The following DNAH7 variants were observed in gnomAD, a reference collection of about 807,000 sequenced individuals.
DNAH7 encodes dynein axonemal heavy chain 7.
Under a neutral mutation model 444.6 loss-of-function variants are expected in DNAH7, and 397 were observed. The observed-to-expected ratio is 0.89, with a 90% CI of 0.82 to 0.97. The LOEUF is 0.97. Ranked by LOEUF, DNAH7 falls within the 50% of genes least tolerant of loss-of-function variation. The pLI is 0.00. For missense variants in DNAH7, 4,902 were observed against 4,800.8 expected (o/e 1.02, Z -0.62); for synonymous variants, 1,636 against 1,624.4 (o/e 1.01, Z -0.17).
At chr2:195,926,200 C>T (rs889960962) in intron 22 of DNAH7, among the ~76,000 whole-genome samples, 3 of 151,826 alleles carry the variant, frequency 2.0e-5, no homozygotes, top group African/African-American at 7.3e-5. Flanking sequence ...CTTTTATATA[C>T]CGTGAATAAA....
intron 47 of DNAH7, among the ~76,000 whole-genome samples, chr2:195,840,024 C>T (rs1698591356): frequency 6.6e-6 from 1 of 151,748 alleles, no homozygotes; most frequent in Non-Finnish European, 1.5e-5. Context: ...GCCAGCATTA[C>T]TCTGAAAGCA....
intron 46 of DNAH7, among the ~76,000 whole-genome samples, chr2:195,850,769 G>C (rs1699315392): frequency 6.6e-6 from 1 of 151,856 alleles, no homozygotes; most frequent in Admixed American, 6.6e-5. Context: ...TTCATGTGAG[G>C]GGACATGCTG....
chr2:196,051,259 A>G lies in DNAH7; in HGVS notation c.79-10T>C. 1 of 1,613,172 alleles carries G rather than the reference A, an allele frequency of 6.2e-7. No homozygotes were observed. The highest frequency in any genetic ancestry group is 8.5e-7 in the Non-Finnish European group (1 of 1,179,266). On this transcript the variant is annotated splice_polypyrimidine_tract_variant and intron_variant, in intron 2 of 64. Transcript: ENST00000312428. ...TGCTGGCTAATTTCTCCTGTGTGAA[A>G]AATATGAAGGGGAAAAAAGTGTTTA... is the stretch of plus-strand genomic sequence containing the variant.
chr2:196,031,106 ATCT>A (rs1696030306), intron 5 of DNAH7, among the ~76,000 whole-genome samples: 1 of 152,190 alleles, frequency 6.6e-6, no homozygotes, highest in South Asian at 2.1e-4. Flanking sequence ...ATTTCCATAC[ATCT>A]TCTGAAATCT....
rs903722059 is a variant in DNAH7, at chr2:195,905,789, T to TAAA, written c.4335+867_4335+869dup. Reference sequence around the variant, plus strand: ...AAGAAAGTGTTTTGTTCTTTTTCATTAAAAAATTAATGCTGGGTGTCAATG... The same window carrying TAAA: ...AAGAAAGTGTTTTGTTCTTTTTCATTAAAAAAAAATTAATGCTGGGTGTCAATG... On this transcript the variant is annotated intron_variant, in intron 27 of 64. Transcript: ENST00000312428. 19 of 152,270 alleles carry TAAA rather than the reference T, an allele frequency of 1.2e-4. No individual in the cohort carries two copies. The Middle Eastern group carries it at 0.014, about 109-fold the overall frequency. 9.4% of individuals were successfully genotyped at this position (152,270 alleles called of 1,614,324 possible).
chr2:195,957,142 T>C (rs1372542440), intron 19 of DNAH7, 119 bp downstream of exon 19: 2 of 815,434 alleles, frequency 2.5e-6, no homozygotes, highest in East Asian at 6.0e-5. Flanking sequence ...GAAAAGACAA[T>C]GTATGTATGA....
chr2:195,769,031 T>C (rs1694717902), intron 61 of DNAH7, among the ~76,000 whole-genome samples: 1 of 152,192 alleles, frequency 6.6e-6, no homozygotes, highest in South Asian at 2.1e-4. Flanking sequence ...TATGAGGTCT[T>C]ACATTGCTAC....
chr2:196,020,103 T>C (rs1695283091), intron 8 of DNAH7, among the ~76,000 whole-genome samples: 1 of 152,188 alleles, frequency 6.6e-6, no homozygotes, highest in Non-Finnish European at 1.5e-5. Context: ...TCTTATGATT[T>C]TGTTAATAAA....
chr2:195,792,394 T>TAC (rs59046004), intron 57 of DNAH7, among the ~76,000 whole-genome samples: 20,477 of 117,094 alleles, frequency 0.17, 1,518 homozygotes, highest in African/African-American at 0.19. Flanking sequence ...AACCAAAAAA[T>TAC]ACACACACAC....
At chr2:195,866,559 C>G (rs933325219) in intron 40 of DNAH7, among the ~76,000 whole-genome samples, 4 of 152,126 alleles carry the variant, frequency 2.6e-5, no homozygotes, top group African/African-American at 9.7e-5. Flanking sequence ...AAGCATGAAA[C>G]AAGTATATTA....
intron 12 of DNAH7, among the ~76,000 whole-genome samples, chr2:195,991,833 TACTA>T (rs375806535): frequency 1.2e-3 from 182 of 152,328 alleles, no homozygotes; most frequent in African/African-American, 4.3e-3. Flanking sequence ...AACTGGTACT[TACTA>T]ACTCACTTTG....
intron 12 of DNAH7, chr2:195,994,554 T>C (rs146223174): frequency 4.1e-6 from 2 of 482,460 alleles, no homozygotes; most frequent in Non-Finnish European, 8.1e-6. Context: ...GTCTTGGTTG[T>C]TTGTTTTCAC....
chr2:195,986,449 T>C (rs959846580), intron 14 of DNAH7, among the ~76,000 whole-genome samples: 3 of 151,988 alleles, frequency 2.0e-5, no homozygotes, highest in African/African-American at 7.3e-5. Context: ...TTATTTAGAG[T>C]TTTTCACCCA....
At chr2:196,020,572 T>TTG (rs1553606524) in intron 8 of DNAH7, among the ~76,000 whole-genome samples, 30 of 151,606 alleles carry the variant, frequency 2.0e-4, no homozygotes, top group African/African-American at 4.1e-4. Context: ...ATAACTTTTT[T>TTG]TGTGTGTGTG....
intron 19 of DNAH7, among the ~76,000 whole-genome samples, chr2:195,953,128 C>A (rs534182777): frequency 6.2e-4 from 95 of 152,182 alleles, no homozygotes; most frequent in African/African-American, 2.0e-3. Flanking sequence ...TGTGGATGCC[C>A]TTTTTGTTGA....
At chr2:196,064,184 G>A (rs1053888642) in intron 1 of DNAH7, among the ~76,000 whole-genome samples, 2 of 151,812 alleles carry the variant, frequency 1.3e-5, no homozygotes, top group Admixed American at 6.6e-5. Flanking sequence ...GCGTAGTGGC[G>A]GGTGCCTGTA....
At chr2:195,974,091 A>AG (rs1692030031) in intron 15 of DNAH7, among the ~76,000 whole-genome samples, 1 of 152,068 alleles carries the variant, frequency 6.6e-6, no homozygotes, top group Non-Finnish European at 1.5e-5. Flanking sequence ...AAGAAGGGGA[A>AG]GGGGAAGGGA....
chr2:195,997,646 G>GC (rs1693780864), intron 12 of DNAH7, among the ~76,000 whole-genome samples: 1 of 151,934 alleles, frequency 6.6e-6, no homozygotes, highest in Admixed American at 6.6e-5. Context: ...GACTCATGGT[G>GC]CGTTAACCCA....
chr2:195,964,374 T>C (rs1691319056), intron 17 of DNAH7, among the ~76,000 whole-genome samples: 1 of 152,162 alleles, frequency 6.6e-6, no homozygotes, highest in Admixed American at 6.5e-5. Flanking sequence ...GCTAAATTAA[T>C]TCTTAGGTAT....
Sources: gnomAD v4.1 joint callset for allele counts (sites outside exome capture counted in the v4.1 genomes callset) on GRCh38, gnomAD v4.1.1 for gene constraint, MANE v1.5 for transcripts, NCBI Gene and HGNC (gene_info 2026-07-23, HGNC 2026-07-21) for gene names.